KAZN: variants seen among roughly 807,000 people sequenced by gnomAD.
The protein encoded by KAZN is kazrin.
In KAZN, 40 loss-of-function variants were observed where a neutral mutation model predicts 87.4. The observed-to-expected ratio is 0.46, with a 90% CI of 0.36 to 0.60. The LOEUF (loss-of-function observed/expected upper bound fraction) is 0.60, where lower values mean the gene tolerates loss of function less well. Ranked by LOEUF, KAZN falls within the 20% of genes least tolerant of loss-of-function variation. The probability of loss-of-function intolerance (pLI) is 0.00; values close to 1 mark genes in which losing one functional copy is unlikely to be tolerated. For missense variants in KAZN, 898 were observed against 1,073.9 expected, an observed-to-expected ratio of 0.84 and a Z score of 2.29; for synonymous variants, 466 against 458.3, an observed-to-expected ratio of 1.02 and a Z score of -0.22.
chr1:14,932,040 GATACCC>G (rs2101581916), intron 1 of KAZN, among the ~76,000 whole-genome samples: 1 of 152,284 alleles, frequency 6.6e-6, no homozygotes, highest in South Asian at 2.1e-4. Flanking sequence ...TAGCTGTTTG[GATACCC>G]TGCTCCCGGC....
At chr1:14,335,636 T>C (rs973919731) in intron 2 of KAZN, among the ~76,000 whole-genome samples, 1 of 152,182 alleles carries the variant, frequency 6.6e-6, no homozygotes, top group Non-Finnish European at 1.5e-5. Context: ...GCCATACTTG[T>C]ATGGCCTGCA....
intron 1 of KAZN, among the ~76,000 whole-genome samples, chr1:14,165,462 C>G (rs12022342): frequency 0.12 from 17,531 of 152,086 alleles, 1,124 homozygotes; most frequent in East Asian, 0.33. Context: ...GCCTCCTGTC[C>G]GTGGCTCACC....
At chr1:14,127,400 T>C (rs1321527429) in intron 1 of KAZN, among the ~76,000 whole-genome samples, 29 of 91,920 alleles carry the variant, frequency 3.2e-4, no homozygotes, top group African/African-American at 1.7e-3. Context: ...TTTACTGTTG[T>C]TTTTTTTTTT....
At chr1:13,920,759 G>A (rs1259485605) in intron 1 of KAZN, among the ~76,000 whole-genome samples, 1 of 152,112 alleles carries the variant, frequency 6.6e-6, no homozygotes, top group Non-Finnish European at 1.5e-5. Context: ...CATGTTTCTG[G>A]TCAGAGGGGA....
chr1:14,902,247 A>C (rs1219711037), intron 1 of KAZN, among the ~76,000 whole-genome samples: 1 of 149,650 alleles, frequency 6.7e-6, no homozygotes, highest in Non-Finnish European at 1.5e-5. Context: ...TTTTTTTAAG[A>C]TGGAGTCTCG....
In KAZN at chr1:14,846,644, TTCTA is replaced by T. The variant is rs1648804006; in HGVS notation, c.227-114036_227-114033del. The stretch of plus-strand genomic sequence containing the variant: ...GTGCACTACAGTTTACAAAGCTCTT[TTCTA>T]TCTGTCATCTCCCTTGAATATCACC... On this transcript the variant is annotated intron_variant, in intron 1 of 14. Transcript: ENST00000376030. Among the ~76,000 whole-genome samples the T allele has an allele frequency of 2.0e-5, 3 of 152,192 alleles. No individual in the cohort carries two copies. The South Asian group carries it at 6.2e-4, about 31-fold the overall frequency.
intron 8 of KAZN, among the ~76,000 whole-genome samples, chr1:15,076,062 C>T (rs181483889): frequency 4.6e-5 from 7 of 152,276 alleles, no homozygotes; most frequent in African/African-American, 9.6e-5. Flanking sequence ...TCTGTGGAGG[C>T]GGTGTGGAGC....
intron 2 of KAZN, among the ~76,000 whole-genome samples, chr1:14,340,655 T>A (rs1411602018): frequency 6.6e-6 from 1 of 152,202 alleles, no homozygotes; most frequent in Non-Finnish European, 1.5e-5. Flanking sequence ...CAAGGCACAA[T>A]GCTTGCTGTC....
chr1:14,602,047 T>C (rs1677021105), intron 1 of KAZN, among the ~76,000 whole-genome samples: 1 of 152,232 alleles, frequency 6.6e-6, no homozygotes, highest in African/African-American at 2.4e-5. Context: ...AGCAAACTCA[T>C]CAATCCATCA....
Position 15,021,106 on chromosome 1 carries a change from A to G in KAZN, c.419-13643A>G, listed in dbSNP as rs1220749778. Among the ~76,000 whole-genome samples, 1 of 152,140 alleles carries G rather than the reference A, an allele frequency of 6.6e-6. No individual in the cohort carries two copies. Among genetic ancestry groups the G allele is most frequent in the East Asian group, 1.9e-4 (1 of 5,176 alleles). On this transcript the variant is annotated intron_variant, in intron 2 of 14. Transcript: ENST00000376030. The surrounding 1 kb of genome is among the most constrained non-coding windows in gnomAD (Gnocchi z 4.2). ...AGTCTTGAGTAGGACACCAAAACCC[A>G]GAGAGGGTGCCTGAGTTCCCAAGGC... is the stretch of plus-strand genomic sequence containing the variant.
intron 2 of KAZN, among the ~76,000 whole-genome samples, chr1:14,414,363 A>C (rs868724937): frequency 2.1e-5 from 3 of 143,608 alleles, no homozygotes; most frequent in Non-Finnish European, 4.6e-5. Flanking sequence ...AAAAAAAAAA[A>C]CCTTTTATAG....
chr1:14,055,383 G>T (rs373166847), intron 1 of KAZN, among the ~76,000 whole-genome samples: 1 of 152,202 alleles, frequency 6.6e-6, no homozygotes, highest in African/African-American at 2.4e-5. Flanking sequence ...AGTCTGCACT[G>T]CATGAAGATG....
At chr1:13,925,399 A>G (rs1640233825) in intron 1 of KAZN, among the ~76,000 whole-genome samples, 2 of 152,318 alleles carry the variant, frequency 1.3e-5, no homozygotes, top group African/African-American at 4.8e-5. Context: ...ATAAAGTGTC[A>G]AAGGGGGATG....
At chr1:14,514,507 TA>T (rs373002118) in intron 2 of KAZN, among the ~76,000 whole-genome samples, 9 of 99,920 alleles carry the variant, frequency 9.0e-5, no homozygotes, top group African/African-American at 2.3e-4. Flanking sequence ...GTAAAATATA[TA>T]ATATATGAAA....
chr1:14,966,127 G>C (rs1368480445), intron 2 of KAZN, among the ~76,000 whole-genome samples: 11 of 151,716 alleles, frequency 7.3e-5, no homozygotes, highest in Non-Finnish European at 2.9e-5. Flanking sequence ...TTACAGGCAC[G>C]CGCCACCATG....
chr1:14,129,380 G>A (rs910193917), intron 1 of KAZN, among the ~76,000 whole-genome samples: 1 of 152,180 alleles, frequency 6.6e-6, no homozygotes, highest in African/African-American at 2.4e-5. Flanking sequence ...GCCCAAATAT[G>A]TCAGCTTTTT....
intron 1 of KAZN, among the ~76,000 whole-genome samples, chr1:14,890,594 C>T (rs923302018): frequency 3.9e-5 from 6 of 151,948 alleles, no homozygotes; most frequent in East Asian, 1.9e-4. Context: ...TTCTGAATGA[C>T]GGGCGTGAAT....
At chr1:14,620,152 A>G (rs190829837) in intron 1 of KAZN, among the ~76,000 whole-genome samples, 118 of 152,386 alleles carry the variant, frequency 7.7e-4, no homozygotes, top group Non-Finnish European at 2.9e-4. Context: ...TTACACGTGT[A>G]TGTATAGTCT....
rs371350824 is a variant in KAZN, at chr1:14,988,661, T to C, written c.418+27786T>C. ...CCAGCTGTGCTTCTGATTATCCCTA[T>C]TCTTAAGTATCTGTTTGGGCTGGGG... On this transcript the variant is annotated intron_variant, in intron 2 of 14. Coordinates refer to ENST00000376030, the MANE Select transcript of KAZN (RefSeq NM_201628.3). Among the ~76,000 whole-genome samples, 93 of 152,350 alleles carry C rather than the reference T, an allele frequency of 6.1e-4. 1 individual carries two copies. The South Asian group carries it at 0.019, about 31-fold the overall frequency.
Sources: allele counts gnomAD v4.1 joint callset (sites outside exome capture counted in the v4.1 genomes callset), GRCh38; gene constraint gnomAD v4.1.1; non-coding constraint Gnocchi (gnomAD v3.1); transcripts MANE v1.5; gene names NCBI Gene and HGNC (gene_info 2026-07-23, HGNC 2026-07-21).